R3HDM4: variants seen among roughly 807,000 people sequenced by gnomAD.
R3HDM4 encodes R3H domain-containing protein 4.
R3HDM4 carries 30 observed loss-of-function variants against 31.3 expected under a neutral mutation model. The observed-to-expected ratio is 0.96, with a 90% CI of 0.72 to 1.30. The LOEUF is 1.30. R3HDM4 is among the 50% of genes most tolerant of loss of function. The pLI, the probability that R3HDM4 is intolerant of heterozygous loss-of-function variation, is 0.00. For missense variants in R3HDM4, 444 were observed against 366.1 expected (o/e 1.21, Z -1.74); for synonymous variants, 196 against 156.6 (o/e 1.25, Z -1.88).
intron 1 of R3HDM4, among the ~76,000 whole-genome samples, chr19:904,595 A>G (rs1055981815): frequency 3.9e-5 from 6 of 151,984 alleles, no homozygotes; most frequent in Non-Finnish European, 5.9e-5. Flanking sequence ...GAGCTTTGGG[A>G]AGGTGAGGAG....
chr19:899,488 T>G lies in R3HDM4; in HGVS notation c.655A>C (p.Arg219=). 6.2e-7 allele frequency: 1 copy of G among 1,613,684 alleles called. No homozygotes were observed. Among genetic ancestry groups the G allele is most frequent in the Non-Finnish European group, 8.5e-7 (1 of 1,179,946 alleles). The change falls in exon 7 of 8, where the codon AGG becomes CGG. Residue 219 remains arginine, a synonymous_variant. Transcript: ENST00000361574. This position sits in a 1 kb window ranked among gnomAD's most constrained non-coding sequence, Gnocchi z 6.8. The part of the protein sequence containing the change: ...YTAMLDNSFE[R]LLLHAVCQYM... ...TGGCAGACAGCGTGCAGCAGAAGCC[T>G]CTCGAAGCTGTGGGGAACGGGCAGT...
chr19:905,505 C>CAAAA (rs71335321), intron 1 of R3HDM4, among the ~76,000 whole-genome samples: 33 of 100,942 alleles, frequency 3.3e-4, no homozygotes, highest in Non-Finnish European at 4.6e-4. Flanking sequence ...AACTCTGTCT[C>CAAAA]AAAAAAAAAA....
intron 1 of R3HDM4, chr19:902,503 G>A (rs548508585): frequency 1.2e-3 from 238 of 198,360 alleles, no homozygotes; most frequent in Middle Eastern, 9.5e-3. Context: ...AAATTAACCG[G>A]TGTGCTGGTA....
At chr19:908,383 G>T in intron 1 of R3HDM4, among the ~76,000 whole-genome samples, 1 of 151,854 alleles carries the variant, frequency 6.6e-6, no homozygotes, top group Non-Finnish European at 1.5e-5. Context: ...GAGGCAGGTG[G>T]ATCACTTGAG....
At chr19:905,158 A>G (rs1313589227) in intron 1 of R3HDM4, among the ~76,000 whole-genome samples, 2 of 151,704 alleles carry the variant, frequency 1.3e-5, no homozygotes, top group Non-Finnish European at 2.9e-5. Flanking sequence ...CAGTGAGCCA[A>G]GATTGTGCCA....
At chr19:905,418 T>G (rs2036889871) in intron 1 of R3HDM4, among the ~76,000 whole-genome samples, 1 of 150,794 alleles carries the variant, frequency 6.6e-6, no homozygotes, top group South Asian at 2.1e-4. Context: ...GGCAGGAGAA[T>G]TGCTTGAACC....
At chr19:901,069 C>G in intron 3 of R3HDM4, 117 bp from the exon 4 acceptor site, 5 of 1,310,188 alleles carry the variant, frequency 3.8e-6, no homozygotes, top group Non-Finnish European at 4.1e-6. Flanking sequence ...GCGGTCACCT[C>G]TGTCCACTGA....
rs1469303541 is a variant in R3HDM4 at position 907,688 on chromosome 19, T to C, written c.71+5399A>G. Among the ~76,000 whole-genome samples, 1 of 152,152 alleles carries C rather than the reference T, an allele frequency of 6.6e-6. No homozygotes were observed. The highest frequency in any genetic ancestry group is 2.1e-4 in the South Asian group (1 of 4,830). On this transcript the variant is annotated intron_variant, in intron 1 of 7. Coordinates refer to ENST00000361574, the MANE Select transcript of R3HDM4 (RefSeq NM_138774.4). The surrounding 1 kb of genome is among the most constrained non-coding windows in gnomAD (Gnocchi z 4.1). Reference sequence around the variant, plus strand: ...CCTCTCCTCCAGGCCCACAAGGACCTGCCTGGTCCTTCCCCTGCTCCAGCA... The same window carrying C: ...CCTCTCCTCCAGGCCCACAAGGACCCGCCTGGTCCTTCCCCTGCTCCAGCA...
At chr19:909,229 C>T (rs963998359) in intron 1 of R3HDM4, among the ~76,000 whole-genome samples, 1 of 152,206 alleles carries the variant, frequency 6.6e-6, no homozygotes, top group Non-Finnish European at 1.5e-5. Flanking sequence ...TGTGAACCCT[C>T]AGTCCCTCGA....
Position 913,029 on chromosome 19 carries a change from AG to A in R3HDM4, c.71+57del. Reference sequence around the variant, plus strand: ...GGAGGGGAGGCGGGGAGAGGATCTCAGGGGAGGGAGCCCAGCCCGCCCCCGG... The same window carrying A: ...GGAGGGGAGGCGGGGAGAGGATCTCAGGGAGGGAGCCCAGCCCGCCCCCGG... On this transcript the variant is annotated intron_variant, in intron 1 of 7. Coordinates refer to ENST00000361574, the MANE Select transcript of R3HDM4 (RefSeq NM_138774.4). The surrounding 1 kb of genome is among the most constrained non-coding windows in gnomAD (Gnocchi z 5.0). 1.5e-6 allele frequency: 1 copy of A among 659,694 alleles called. No homozygotes were observed. The highest frequency in any genetic ancestry group is 1.9e-6 in the Non-Finnish European group (1 of 527,990). The allele number at this position is 659,694 out of a possible 1,614,324, so 40.9% of individuals were successfully genotyped here. A position where few individuals can be genotyped will look rare whatever the true frequency, so the allele number is the denominator to read the frequency against.
chr19:901,353 C>T (rs2036833759), intron 3 of R3HDM4, 69 bp downstream of exon 3: 17 of 1,524,074 alleles, frequency 1.1e-5, no homozygotes, highest in African/African-American at 1.4e-5. Flanking sequence ...CGGGCACAGG[C>T]GATGGCCTGG....
At chr19:902,819 T>C (rs576119857) in intron 1 of R3HDM4, among the ~76,000 whole-genome samples, 1 of 151,902 alleles carries the variant, frequency 6.6e-6, no homozygotes, top group African/African-American at 2.4e-5. Context: ...CGTGCGCCTG[T>C]AATCTCAGCT....
At position 900,058 on chromosome 19, in the gene R3HDM4, C is replaced by G; in HGVS notation, c.561+3G>C. 1 of 1,610,908 alleles carries G rather than the reference C, an allele frequency of 6.2e-7. No individual in the cohort carries two copies. Among genetic ancestry groups the G allele is most frequent in the Non-Finnish European group, 8.5e-7 (1 of 1,178,372 alleles). On this transcript the variant is annotated splice_donor_region_variant and intron_variant, in intron 5 of 7. Transcript: ENST00000361574. ...AAGGGAGGCCCGGCAATCCCCCACT[C>G]ACCATGGGGATGCGGCTGCGCTTGA...
intron 1 of R3HDM4, among the ~76,000 whole-genome samples, chr19:911,816 G>A (rs1568344547): frequency 6.6e-6 from 1 of 152,042 alleles, no homozygotes; most frequent in African/African-American, 2.4e-5. Context: ...AAGGACGCGC[G>A]GGCTCCTGCT....
chr19:902,524 GT>G (rs1243868423), intron 1 of R3HDM4: 3 of 181,402 alleles, frequency 1.7e-5, no homozygotes, highest in Non-Finnish European at 3.6e-5. Context: ...CATGCCTGTA[GT>G]CCCAGCTACT....
At chr19:901,944 C>A (rs1405657462) in intron 2 of R3HDM4, 32 bp downstream of exon 2, 4 of 1,609,954 alleles carry the variant, frequency 2.5e-6, no homozygotes, top group African/African-American at 2.7e-5. Context: ...GGCCCAGGAG[C>A]CCCCAGGAGG....
At chr19:910,795 A>G (rs1355161851) in intron 1 of R3HDM4, among the ~76,000 whole-genome samples, 1 of 151,834 alleles carries the variant, frequency 6.6e-6, no homozygotes, top group African/African-American at 2.4e-5. Context: ...TATAATAAAC[A>G]TAATAACGAT....
chr19:909,686 C>A (rs190788225), intron 1 of R3HDM4, among the ~76,000 whole-genome samples: 1 of 151,832 alleles, frequency 6.6e-6, no homozygotes, highest in Non-Finnish European at 1.5e-5. Flanking sequence ...ATCCCAGCTA[C>A]TCAGGAGGCT....
intron 1 of R3HDM4, among the ~76,000 whole-genome samples, chr19:911,968 A>C (rs1472133774): frequency 6.7e-6 from 1 of 149,670 alleles, no homozygotes; most frequent in Non-Finnish European, 1.5e-5. Flanking sequence ...GCTGGAGCGC[A>C]TGGCCACGTG....
Sources: gnomAD v4.1 joint callset for allele counts (sites outside exome capture counted in the v4.1 genomes callset) on GRCh38, gnomAD v4.1.1 for gene constraint, Gnocchi (gnomAD v3.1) non-coding constraint, MANE v1.5 for transcripts, NCBI Gene and HGNC (gene_info 2026-07-23, HGNC 2026-07-21) for gene names.